RANBP9: variants seen among roughly 807,000 people sequenced by gnomAD.
The protein encoded by RANBP9 is ran-binding protein 9.
A neutral mutation model predicts 84.3 loss-of-function variants in RANBP9; 15 were observed. The observed-to-expected ratio is 0.18, with a 90% CI of 0.12 to 0.27. The LOEUF (loss-of-function observed/expected upper bound fraction) is 0.27, where lower values mean the gene tolerates loss of function less well. Among genes scored for constraint, RANBP9 ranks in the 10% least tolerant of loss-of-function variants. The pLI is 1.00. For missense variants in RANBP9, 809 were observed against 912.8 expected (o/e 0.89, Z 1.46); for synonymous variants, 392 against 349.6 (o/e 1.12, Z -1.35).
chr6:13,638,070 T>C (rs563135556), intron 9 of RANBP9, 115 bp from the exon 10 acceptor site: 5 of 917,384 alleles, frequency 5.5e-6, no homozygotes, highest in Non-Finnish European at 6.2e-6. Context: ...GGAGAGTCAA[T>C]GGATGATGTA....
intron 12 of RANBP9, among the ~76,000 whole-genome samples, chr6:13,626,032 C>T (rs1402411806): frequency 6.6e-6 from 1 of 152,114 alleles, no homozygotes; most frequent in Non-Finnish European, 1.5e-5. Context: ...AAAAAAATTT[C>T]AAAGGAATGA....
intron 2 of RANBP9, among the ~76,000 whole-genome samples, chr6:13,690,014 C>A (rs905053590): frequency 6.6e-6 from 1 of 152,086 alleles, no homozygotes; most frequent in African/African-American, 2.4e-5. Flanking sequence ...GTAGGCTATA[C>A]CATCTAGGTT....
At chr6:13,636,350 G>T (rs1286187617) in intron 10 of RANBP9, among the ~76,000 whole-genome samples, 2 of 152,196 alleles carry the variant, frequency 1.3e-5, no homozygotes, top group South Asian at 2.1e-4. Context: ...AGTTAGGAAA[G>T]CCATTACCAA....
chr6:13,626,808 C>A (rs11757653), intron 12 of RANBP9, among the ~76,000 whole-genome samples: 380 of 152,308 alleles, frequency 2.5e-3, no homozygotes, highest in Non-Finnish European at 4.4e-3. Context: ...ATTCCACACC[C>A]ATTTTCCATC....
At chr6:13,642,724 C>A in intron 6 of RANBP9, 133 bp from the exon 7 acceptor site, 1 of 492,960 alleles carries the variant, frequency 2.0e-6, no homozygotes, top group Non-Finnish European at 3.4e-6. Flanking sequence ...CGTTAAGAAC[C>A]TCACCTTTAA....
At chr6:13,641,140 A>T in intron 8 of RANBP9, 59 bp downstream of exon 8, 1 of 1,094,014 alleles carries the variant, frequency 9.1e-7, no homozygotes, top group Non-Finnish European at 1.3e-6. Context: ...CTTTTATTAC[A>T]TAACTTGACA....
At chr6:13,651,960 T>C (rs1395894958) in intron 5 of RANBP9, among the ~76,000 whole-genome samples, 2 of 152,142 alleles carry the variant, frequency 1.3e-5, no homozygotes, top group Admixed American at 1.3e-4. Context: ...AAGCCATCTG[T>C]GCTCCTGCCT....
chr6:13,708,117 G>A (rs896266263), intron 1 of RANBP9, among the ~76,000 whole-genome samples: 2 of 152,176 alleles, frequency 1.3e-5, no homozygotes, highest in Non-Finnish European at 2.9e-5. Flanking sequence ...CAATTTAGAA[G>A]AACATCTTAA....
chr6:13,649,508 A>G (rs1167097126), intron 5 of RANBP9, among the ~76,000 whole-genome samples: 10 of 151,808 alleles, frequency 6.6e-5, no homozygotes, highest in Non-Finnish European at 1.5e-4. Context: ...ACCAACTCCA[A>G]ATGAAACTTA....
intron 2 of RANBP9, among the ~76,000 whole-genome samples, chr6:13,672,909 G>C (rs929777772): frequency 1.3e-5 from 2 of 151,634 alleles, no homozygotes; most frequent in African/African-American, 4.8e-5. Context: ...TTTGAGAATG[G>C]AGGACAACTA....
Position 13,637,892 on chromosome 6 carries a change from T to C in RANBP9, c.1589A>G (p.Asn530Ser). 6.2e-7 allele frequency: 1 copy of C among 1,608,266 alleles called. No individual in the cohort carries two copies. The highest frequency in any genetic ancestry group is 1.1e-5 in the South Asian group (1 of 90,902). ...NKAHQSYCHS[N>S]KHQSSNLNVP... ...ATTCAAGTTGGATGACTGGTGTTTA[T>C]TACTATGGCAATATGATTGATGTGC... Residue 530 changes from asparagine (N) to serine (S), a missense_variant, in exon 10 of 14, where the codon AAT (asparagine) becomes AGT (serine). Physicochemically the swap from Asn to Ser is conservative, Grantham distance 46. Transcript: ENST00000011619.
intron 6 of RANBP9, among the ~76,000 whole-genome samples, chr6:13,643,548 G>A (rs1480765010): frequency 6.6e-6 from 1 of 152,150 alleles, no homozygotes; most frequent in Non-Finnish European, 1.5e-5. Flanking sequence ...TTAATTTAAG[G>A]GGGAGGGGAC....
At chr6:13,702,669 A>G (rs1482247203) in intron 1 of RANBP9, among the ~76,000 whole-genome samples, 2 of 152,164 alleles carry the variant, frequency 1.3e-5, no homozygotes, top group African/African-American at 4.8e-5. Flanking sequence ...TGCTGACATT[A>G]GAAGCTAAAC....
chr6:13,702,684 G>A (rs1272476161), intron 1 of RANBP9, among the ~76,000 whole-genome samples: 1 of 151,638 alleles, frequency 6.6e-6, no homozygotes, highest in East Asian at 1.9e-4. Flanking sequence ...CTAAACACCA[G>A]GTAAAACGTA....
rs1260858178 is a variant in RANBP9, at chr6:13,711,403, G to C, written c.103C>G (p.Leu35Val). 4 of 1,184,236 alleles carry C rather than the reference G, an allele frequency of 3.4e-6. No homozygotes were observed. The highest frequency in any genetic ancestry group is 4.2e-6 in the Non-Finnish European group (4 of 957,532). 73.4% of individuals were successfully genotyped at this position (1,184,236 alleles called of 1,614,324 possible). ...GCGCTGACGGCCGGGGGCGCCGGCA[G>C]GACGACTCCGGAGACTGGGGCCAAG... The part of the protein sequence containing the change: ...AALAPVSGVV[L>V]PAPPAVSAGS... Residue 35 changes from leucine (L) to valine (V), a missense_variant, in exon 1 of 14, where the codon CTG becomes GTG. By Grantham distance (32) the Leu-to-Val change is conservative (BLOSUM62 1). Transcript: ENST00000011619.
At chr6:13,650,623 G>C (rs1765274795) in intron 5 of RANBP9, among the ~76,000 whole-genome samples, 1 of 152,128 alleles carries the variant, frequency 6.6e-6, no homozygotes, top group South Asian at 2.1e-4. Flanking sequence ...CGTGATATTG[G>C]TTAACATCAT....
intron 2 of RANBP9, among the ~76,000 whole-genome samples, chr6:13,670,801 GA>G (rs796204005): frequency 0.025 from 1,429 of 56,796 alleles, 18 homozygotes; most frequent in Middle Eastern, 0.074. Context: ...TTCCATCTTA[GA>G]AAAAAAAAAA....
intron 2 of RANBP9, among the ~76,000 whole-genome samples, chr6:13,687,834 CAT>C (rs1021747657): frequency 2.0e-5 from 3 of 152,140 alleles, no homozygotes; most frequent in African/African-American, 7.2e-5. Flanking sequence ...CAAATCCAAC[CAT>C]ATAATTCCCT....
chr6:13,695,426 C>CA, intron 2 of RANBP9, among the ~76,000 whole-genome samples: 1 of 35,096 alleles, frequency 2.8e-5, no homozygotes, highest in Non-Finnish European at 5.6e-5. Context: ...TTTTTTTTTT[C>CA]AGAAAAAGAT....
Sources: allele counts gnomAD v4.1 joint callset (sites outside exome capture counted in the v4.1 genomes callset), GRCh38; gene constraint gnomAD v4.1.1; transcripts MANE v1.5; gene names NCBI Gene and HGNC (gene_info 2026-07-23, HGNC 2026-07-21).